Variants in SLC25A46 observed in about 807,000 individuals in gnomAD.
SLC25A46 encodes the protein solute carrier family 25 member 46, also known as mitochondrial outer membrane protein SLC25A46.
In SLC25A46, 39 loss-of-function variants were observed where a neutral mutation model predicts 44.6. The ratio of observed to expected loss-of-function variants is 0.87; its 90% confidence interval spans 0.68 to 1.14. The LOEUF is 1.14. Ranked by LOEUF, SLC25A46 falls within the 50% of genes most tolerant of loss-of-function variation. The pLI, the probability that SLC25A46 is intolerant of heterozygous loss-of-function variation, is 0.00. For missense variants in SLC25A46, 547 were observed against 522.7 expected, an observed-to-expected ratio of 1.05 and a Z score of -0.45; for synonymous variants, 202 against 185.8, an observed-to-expected ratio of 1.09 and a Z score of -0.71.
chr5:110,741,688 A>T (rs1799692331), intron 1 of SLC25A46: 1 of 163,588 alleles, frequency 6.1e-6, no homozygotes, highest in Non-Finnish European at 1.3e-5. Flanking sequence ...ACAGTTTTTG[A>T]AATAGTTGTC....
rs2150404217 is a variant in SLC25A46, at chr5:110,739,235, T to C, written c.116T>C (p.Leu39Pro). The change falls in exon 1 of 8, where the codon CTG (leucine) becomes CCG (proline). Residue 39 changes from leucine to proline, a missense_variant. Coordinates refer to ENST00000355943, the MANE Select transcript of SLC25A46 (RefSeq NM_138773.4). ...PARSFSTGSD[L>P]GHWVTTPPDI... is the part of the protein sequence containing the mutation. ...AGGTCCTTCAGCACCGGGTCGGACC[T>C]GGGCCACTGGGTGACGACTCCCCCA... is the stretch of plus-strand genomic sequence containing the variant. 1 of 1,579,894 alleles carries C rather than the reference T, an allele frequency of 6.3e-7. No homozygotes were observed. The highest frequency in any genetic ancestry group is 8.6e-7 in the Non-Finnish European group (1 of 1,163,540).
Position 110,761,217 on chromosome 5 carries a change from G to T in SLC25A46, c.692G>T (p.Arg231Leu), listed in dbSNP as rs139039234. 10 of 1,592,604 alleles carry T rather than the reference G, an allele frequency of 6.3e-6. No individual in the cohort carries two copies. Among genetic ancestry groups the T allele is most frequent in the Non-Finnish European group, 8.5e-6 (10 of 1,172,018 alleles). ...TTTTTATTTCAGAGTGAGATAATTC[G>T]AGATAATACTGGCATTTTGGAGTGT... is the stretch of plus-strand genomic sequence containing the variant. The part of the protein sequence containing the change: ...LIETVQSEII[R>L]DNTGILECVK... Residue 231 changes from arginine to leucine, a missense_variant, in exon 8 of 8, where the codon CGA becomes CTA. Transcript: ENST00000355943. This position sits in a 1 kb window ranked among gnomAD's most constrained non-coding sequence, Gnocchi z 5.3.
rs1397063461 is a variant in SLC25A46, at chr5:110,763,402, T to A, written c.*1620T>A. The stretch of plus-strand genomic sequence containing the variant: ...CTCGTGTGTGTGTGTGTGTAGTTAC[T>A]GAAACACCTACATTTTCCATTTTTA... On this transcript the variant is annotated 3_prime_UTR_variant, in exon 8 of 8. Coordinates refer to ENST00000355943, the MANE Select transcript of SLC25A46 (RefSeq NM_138773.4). 1 of 151,804 alleles carries A rather than the reference T, an allele frequency of 6.6e-6. No homozygotes were observed. The highest frequency in any genetic ancestry group is 1.9e-4 in the East Asian group (1 of 5,174). 9.4% of individuals were successfully genotyped at this position (151,804 alleles called of 1,614,324 possible). A position where few individuals can be genotyped will look rare whatever the true frequency, so the allele number is the denominator to read the frequency against.
At chr5:110,757,018 C>CAT (rs1215962438) in intron 7 of SLC25A46, 1 of 297,114 alleles carries the variant, frequency 3.4e-6, no homozygotes, top group East Asian at 5.5e-5. Context: ...CAGAACACAG[C>CAT]CTATAACTTG....
At position 110,746,258 on chromosome 5, in the gene SLC25A46, C is replaced by T; in HGVS notation, c.385-11C>T. 1 of 1,544,178 alleles carries T rather than the reference C, an allele frequency of 6.5e-7. No individual in the cohort carries two copies. Among genetic ancestry groups the T allele is most frequent in the Non-Finnish European group, 8.8e-7 (1 of 1,141,110 alleles). On this transcript the variant is annotated splice_polypyrimidine_tract_variant and intron_variant, in intron 3 of 7. Coordinates refer to ENST00000355943, the MANE Select transcript of SLC25A46 (RefSeq NM_138773.4). The stretch of plus-strand genomic sequence containing the variant: ...TTAACAGAAAAAAATAATGAAATAT[C>T]TTTTTTACAGGTTAATTACCATGCT...
At chr5:110,743,837 T>G in intron 3 of SLC25A46, 50 bp downstream of exon 3, 1 of 1,394,148 alleles carries the variant, frequency 7.2e-7, no homozygotes, top group Non-Finnish European at 1.0e-6. Context: ...GACCCTAATA[T>G]GAAGGGCAGA....
chr5:110,754,420 A>G (rs1800052967), intron 5 of SLC25A46: 1 of 110,960 alleles, frequency 9.0e-6, no homozygotes. Flanking sequence ...TTTACCCTCT[A>G]TAATCTTGAC....
chr5:110,742,824 G>A (rs897355342), intron 2 of SLC25A46, among the ~76,000 whole-genome samples: 1 of 151,720 alleles, frequency 6.6e-6, no homozygotes, highest in Non-Finnish European at 1.5e-5. Context: ...TATATCTAAC[G>A]ATCATTTTAA....
In SLC25A46 at chr5:110,741,329, C is replaced by T. The variant is rs564872286; in HGVS notation, c.284-718C>T. ...ATAACAGACATACCATCTGTAGTAG[C>T]ATTTAGGTATCCAGTAACCTACTCC... On this transcript the variant is annotated intron_variant, in intron 1 of 7. Coordinates refer to ENST00000355943, the MANE Select transcript of SLC25A46 (RefSeq NM_138773.4). Among the ~76,000 whole-genome samples, 258 of 152,286 alleles carry T rather than the reference C, an allele frequency of 1.7e-3. 2 individuals carry two copies. Among genetic ancestry groups the T allele is most frequent in the Non-Finnish European group, 2.6e-3 (176 of 68,022 alleles).
intron 7 of SLC25A46, among the ~76,000 whole-genome samples, chr5:110,760,046 A>T (rs990498213): frequency 6.6e-6 from 1 of 152,058 alleles, no homozygotes; most frequent in Non-Finnish European, 1.5e-5. Context: ...TGTAATTTCT[A>T]TTGTGAACTC....
rs566414800 is a variant in SLC25A46, at chr5:110,764,992, A to G, written c.*3210A>G. On this transcript the variant is annotated 3_prime_UTR_variant, in exon 8 of 8. Coordinates refer to ENST00000355943, the MANE Select transcript of SLC25A46 (RefSeq NM_138773.4). ...TATCATTGATATGGTACCAAGTTGT[A>G]TAGCAGAGTAACAAAATCATGATTT... 1 of 151,952 alleles carries G rather than the reference A, an allele frequency of 6.6e-6. No individual in the cohort carries two copies. Among genetic ancestry groups the G allele is most frequent in the South Asian group, 2.1e-4 (1 of 4,828 alleles). The allele number at this position is 151,952 out of a possible 1,614,324, so 9.4% of individuals were successfully genotyped here. A position where few individuals can be genotyped will look rare whatever the true frequency, so the allele number is the denominator to read the frequency against.
Position 110,746,256 on chromosome 5 carries a change from A to T in SLC25A46, c.385-13A>T. 6.5e-7 allele frequency: 1 copy of T among 1,545,092 alleles called. No individual in the cohort carries two copies. Among genetic ancestry groups the T allele is most frequent in the Non-Finnish European group, 8.8e-7 (1 of 1,142,288 alleles). On this transcript the variant is annotated splice_polypyrimidine_tract_variant and intron_variant, in intron 3 of 7. Transcript: ENST00000355943. ...CATTAACAGAAAAAAATAATGAAAT[A>T]TCTTTTTTACAGGTTAATTACCATG...
In SLC25A46 at chr5:110,739,072, G is replaced by C. The variant is rs762266931; in HGVS notation, c.-48G>C. On this transcript the variant is annotated 5_prime_UTR_variant, in exon 1 of 8. Coordinates refer to ENST00000355943, the MANE Select transcript of SLC25A46 (RefSeq NM_138773.4). ...TGTGTGCTTAGGTCGTGGTGGCCCC[G>C]GTGGTGGTGGGCTCCGGGCGGGCTC... 1.3e-6 allele frequency: 2 copies of C among 1,530,854 alleles called. No homozygotes were observed. The highest frequency in any genetic ancestry group is 1.2e-5 in the South Asian group (1 of 83,228). 94.8% of individuals were successfully genotyped at this position (1,530,854 alleles called of 1,614,324 possible). A position where few individuals can be genotyped will look rare whatever the true frequency, so the allele number is the denominator to read the frequency against.
At chr5:110,759,507 A>G (rs547811480) in intron 7 of SLC25A46, among the ~76,000 whole-genome samples, 32 of 152,284 alleles carry the variant, frequency 2.1e-4, no homozygotes, top group African/African-American at 7.7e-4. Flanking sequence ...GAGGGAAAGC[A>G]GGTGCAAAAA....
chr5:110,742,935 T>C (rs991132863), intron 2 of SLC25A46, among the ~76,000 whole-genome samples: 1 of 152,094 alleles, frequency 6.6e-6, no homozygotes, highest in Non-Finnish European at 1.5e-5. Context: ...ATGATCATTA[T>C]TTTAAACATT....
At chr5:110,751,245 T>C (rs1413376206) in intron 5 of SLC25A46, among the ~76,000 whole-genome samples, 1 of 152,214 alleles carries the variant, frequency 6.6e-6, no homozygotes. Flanking sequence ...CTAATAAAAG[T>C]ACATTCACTA....
chr5:110,758,743 C>G (rs796472195), intron 7 of SLC25A46, among the ~76,000 whole-genome samples: 15 of 151,986 alleles, frequency 9.9e-5, no homozygotes, highest in African/African-American at 3.6e-4. Context: ...GATCACGCCA[C>G]TGTACTCCAG....
chr5:110,738,972 A>AGACTTCCGGGTTTCCAACGT (rs1166590226), upstream of SLC25A46: 7 of 1,450,140 alleles, frequency 4.8e-6, no homozygotes, highest in Non-Finnish European at 5.4e-6. Context: ...CGTGCTCCGA[A>AGACTTCCGGGTTTCCAACGT]GACTTCCGGG....
Position 110,761,755 on chromosome 5 carries a change from C to T in SLC25A46, c.1230C>T (p.Tyr410=). 1 of 1,610,784 alleles carries T rather than the reference C, an allele frequency of 6.2e-7. No individual in the cohort carries two copies. The highest frequency in any genetic ancestry group is 8.5e-7 in the Non-Finnish European group (1 of 1,178,690). Residue 410 remains tyrosine, a synonymous_variant, in exon 8 of 8, where the codon TAC becomes TAT. Transcript: ENST00000355943. This position sits in a 1 kb window ranked among gnomAD's most constrained non-coding sequence, Gnocchi z 5.3. The part of the protein sequence containing the change: ...AAVLQITKII[Y]STLLQNNI Reference sequence around the variant, plus strand: ...TTTTACAGATTACCAAAATTATTTACTCTACACTTCTTCAAAATAACATTT... The same window carrying T: ...TTTTACAGATTACCAAAATTATTTATTCTACACTTCTTCAAAATAACATTT...
Sources: gnomAD v4.1 joint callset for allele counts (sites outside exome capture counted in the v4.1 genomes callset) on GRCh38, gnomAD v4.1.1 for gene constraint, Gnocchi (gnomAD v3.1) non-coding constraint, MANE v1.5 for transcripts, NCBI Gene and HGNC (gene_info 2026-07-23, HGNC 2026-07-21) for gene names.